Variants in GPC5 observed in about 807,000 individuals in gnomAD.
GPC5 encodes glypican-5.
GPC5 carries 47 observed loss-of-function variants against 53.9 expected under a neutral mutation model. That is an observed-to-expected ratio of 0.87 (90% CI 0.69 to 1.11). The LOEUF is 1.11. Ranked by LOEUF, GPC5 falls within the 50% of genes most tolerant of loss-of-function variation. GPC5 has a pLI of 0.00. For missense variants in GPC5, 748 were observed against 713.1 expected (o/e 1.05, Z -0.56); for synonymous variants, 286 against 263.3 (o/e 1.09, Z -0.84).
At chr13:92,048,352 A>C (rs1413219513) in intron 6 of GPC5, among the ~76,000 whole-genome samples, 2 of 152,094 alleles carry the variant, frequency 1.3e-5, no homozygotes, top group African/African-American at 2.4e-5. Context: ...AGATTTGACT[A>C]TGCTGTGTTA....
chr13:91,603,530 A>G (rs556048387), intron 2 of GPC5, among the ~76,000 whole-genome samples: 71 of 152,348 alleles, frequency 4.7e-4, no homozygotes, highest in Middle Eastern at 6.8e-3. Flanking sequence ...GTCCACAGGG[A>G]TATCTTTGAA....
At chr13:92,165,011 C>A (rs1355902896) in intron 7 of GPC5, among the ~76,000 whole-genome samples, 2 of 152,226 alleles carry the variant, frequency 1.3e-5, no homozygotes, top group Admixed American at 6.5e-5. Flanking sequence ...TGAGACTGCA[C>A]AAAGCGATAA....
chr13:91,966,974 T>C (rs559618738), intron 6 of GPC5, among the ~76,000 whole-genome samples: 1 of 152,210 alleles, frequency 6.6e-6, no homozygotes, highest in South Asian at 2.1e-4. Context: ...GTAACACTTA[T>C]TTGCTTTTCC....
At chr13:92,648,074 C>G (rs1448810997) in intron 7 of GPC5, among the ~76,000 whole-genome samples, 1 of 151,956 alleles carries the variant, frequency 6.6e-6, no homozygotes, top group Non-Finnish European at 1.5e-5. Flanking sequence ...CTTGTGAAAC[C>G]TTTTCTAAAT....
chr13:92,807,790 C>T lies in GPC5; in HGVS notation c.1562-58492C>T, dbSNP rs375143316. Among the ~76,000 whole-genome samples, 45 of 152,116 alleles carry T rather than the reference C, an allele frequency of 3.0e-4. No homozygotes were observed. The South Asian group carries it at 6.0e-3, about 20-fold the overall frequency. On this transcript the variant is annotated intron_variant, in intron 7 of 7. Coordinates refer to ENST00000377067, the MANE Select transcript of GPC5 (RefSeq NM_004466.6). ...AACACAATTTTTAAAAGACACAGTG[C>T]GACTGACACGCTTTAAAGGCTGTGT...
chr13:91,839,989 G>A (rs113493153), intron 5 of GPC5, among the ~76,000 whole-genome samples: 1 of 151,318 alleles, frequency 6.6e-6, no homozygotes, highest in African/African-American at 2.4e-5. Context: ...CTAGCAATGA[G>A]GAATTAGTCA....
At chr13:92,685,577 T>G (rs1390513514) in intron 7 of GPC5, among the ~76,000 whole-genome samples, 1 of 143,376 alleles carries the variant, frequency 7.0e-6, no homozygotes, top group Non-Finnish European at 1.5e-5. Flanking sequence ...TTTTTTTTAT[T>G]ATACTCTAAG....
Position 92,443,591 on chromosome 13 carries a change from G to T in GPC5, c.1561+298602G>T, listed in dbSNP as rs1041692649. 7.9e-5 allele frequency among the ~76,000 whole-genome samples: 12 copies of T among 152,154 alleles called. No homozygotes were observed. In the East Asian group the frequency reaches 2.3e-3, roughly 29 times the overall value. On this transcript the variant is annotated intron_variant, in intron 7 of 7. Coordinates refer to ENST00000377067, the MANE Select transcript of GPC5 (RefSeq NM_004466.6). ...CTAACAGTTTATGAAACACCTTGAAGATAAGGAATAAAAATAAATAAAACA... is the reference window on the plus strand; with the variant it reads ...CTAACAGTTTATGAAACACCTTGAATATAAGGAATAAAAATAAATAAAACA...
chr13:91,988,617 A>G (rs114702245), intron 6 of GPC5, among the ~76,000 whole-genome samples: 51 of 152,284 alleles, frequency 3.3e-4, no homozygotes, highest in African/African-American at 1.2e-3. Flanking sequence ...ACAAAAATCA[A>G]ACCTCCTGTA....
intron 5 of GPC5, among the ~76,000 whole-genome samples, chr13:91,815,473 G>A (rs1246561617): frequency 2.0e-5 from 3 of 152,118 alleles, no homozygotes; most frequent in African/African-American, 4.8e-5. Context: ...TAATATTTGT[G>A]TTTTTATAGC....
chr13:92,072,247 T>G (rs2138867207), intron 6 of GPC5, among the ~76,000 whole-genome samples: 1 of 150,132 alleles, frequency 6.7e-6, no homozygotes, highest in South Asian at 2.1e-4. Flanking sequence ...TTGGCTAATT[T>G]TCTGCTAATT....
intron 7 of GPC5, among the ~76,000 whole-genome samples, chr13:92,363,808 C>T (rs2043587350): frequency 6.6e-6 from 1 of 151,582 alleles, no homozygotes; most frequent in African/African-American, 2.4e-5. Context: ...GTCCAGCATA[C>T]AATTATAAAT....
At chr13:92,039,546 C>G (rs903342140) in intron 6 of GPC5, among the ~76,000 whole-genome samples, 2 of 152,186 alleles carry the variant, frequency 1.3e-5, no homozygotes, top group Non-Finnish European at 2.9e-5. Context: ...CTAAGTTTCA[C>G]TAAGATCAGC....
intron 6 of GPC5, among the ~76,000 whole-genome samples, chr13:92,093,032 T>A (rs1295250684): frequency 2.0e-5 from 3 of 152,156 alleles, no homozygotes; most frequent in Admixed American, 6.5e-5. Flanking sequence ...TACACAGTTG[T>A]GAAACAGGTA....
intron 1 of GPC5, among the ~76,000 whole-genome samples, chr13:91,429,487 T>C (rs2139016730): frequency 6.6e-6 from 1 of 152,194 alleles, no homozygotes; most frequent in Admixed American, 6.5e-5. Flanking sequence ...CAAGTAGAGA[T>C]TGGTTAATTC....
intron 7 of GPC5, among the ~76,000 whole-genome samples, chr13:92,606,976 T>C (rs1884279582): frequency 6.6e-6 from 1 of 152,350 alleles, no homozygotes; most frequent in Admixed American, 6.5e-5. Context: ...TAAATATTGC[T>C]GTTATATTTT....
chr13:91,744,215 A>G (rs1286266276), intron 4 of GPC5, among the ~76,000 whole-genome samples: 1 of 152,152 alleles, frequency 6.6e-6, no homozygotes, highest in African/African-American at 2.4e-5. Flanking sequence ...CATATTTTGG[A>G]TGGCATAATT....
At chr13:91,433,886 C>T (rs9583928) in intron 1 of GPC5, among the ~76,000 whole-genome samples, 3,173 of 146,198 alleles carry the variant, frequency 0.022, 64 homozygotes, top group South Asian at 0.099. Flanking sequence ...TTTTAAAGAT[C>T]GCCAGTCTAA....
At chr13:91,829,408 G>GGAGGACATAAT (rs1253084474) in intron 5 of GPC5, among the ~76,000 whole-genome samples, 1 of 152,018 alleles carries the variant, frequency 6.6e-6, no homozygotes, top group South Asian at 2.1e-4. Flanking sequence ...GAAAAACTAT[G>GGAGGACATAAT]GAGGACATAA....
Sources: allele counts gnomAD v4.1 joint callset (sites outside exome capture counted in the v4.1 genomes callset), GRCh38; gene constraint gnomAD v4.1.1; transcripts MANE v1.5; gene names NCBI Gene and HGNC (gene_info 2026-07-23, HGNC 2026-07-21).